Variants in ZNF569 observed in about 807,000 individuals in gnomAD.
ZNF569 encodes DNA-binding protein.
ZNF569 carries 38 observed loss-of-function variants against 56.3 expected under a neutral mutation model. That is an observed-to-expected ratio of 0.68 (90% confidence interval 0.52 to 0.88). The LOEUF is 0.88. Ranked by LOEUF, ZNF569 falls within the 40% of genes least tolerant of loss-of-function variation. The pLI, the probability that ZNF569 is intolerant of heterozygous loss-of-function variation, is 0.00. For missense variants in ZNF569, 666 were observed against 809.2 expected (o/e 0.82, Z 2.15); for synonymous variants, 241 against 262.9 (o/e 0.92, Z 0.81).
At chr19:37,459,475 T>C (rs2146972214) in intron 2 of ZNF569, among the ~76,000 whole-genome samples, 1 of 152,272 alleles carries the variant, frequency 6.6e-6, no homozygotes, top group African/African-American at 2.4e-5. Context: ...CCAGGGAAAT[T>C]ATCCTTCAAA....
intron 2 of ZNF569, among the ~76,000 whole-genome samples, chr19:37,453,857 G>A (rs376893045): frequency 1.1e-4 from 17 of 152,082 alleles, no homozygotes; most frequent in Non-Finnish European, 1.0e-4. Context: ...TTGGGTTGTT[G>A]CAATACCTAT....
chr19:37,457,481 A>G (rs1191944460), intron 2 of ZNF569, among the ~76,000 whole-genome samples: 1 of 152,208 alleles, frequency 6.6e-6, no homozygotes, highest in Non-Finnish European at 1.5e-5. Context: ...AAGAATAAAC[A>G]AAATAACCAT....
intron 2 of ZNF569, among the ~76,000 whole-genome samples, chr19:37,458,601 T>C (rs544520604): frequency 1.3e-5 from 2 of 152,336 alleles, no homozygotes; most frequent in East Asian, 3.9e-4. Flanking sequence ...TCTTGTGGCA[T>C]TTATCACTCT....
At chr19:37,431,318 A>G (rs2041221625) in intron 3 of ZNF569, among the ~76,000 whole-genome samples, 2 of 152,080 alleles carry the variant, frequency 1.3e-5, no homozygotes, top group Admixed American at 6.5e-5. Flanking sequence ...AGGAGAAGGA[A>G]GAGTAAAGAG....
chr19:37,429,326 TGAGATAATAAGG>T (rs1418452543), intron 3 of ZNF569, among the ~76,000 whole-genome samples: 2 of 152,176 alleles, frequency 1.3e-5, no homozygotes, highest in Non-Finnish European at 2.9e-5. Context: ...CAGAGCCATT[TGAGATAATAAGG>T]CAGAAGCCAA....
intron 3 of ZNF569, among the ~76,000 whole-genome samples, chr19:37,443,972 C>T (rs1600329025): frequency 6.6e-6 from 1 of 151,972 alleles, no homozygotes; most frequent in African/African-American, 2.4e-5. Flanking sequence ...GAGCTGAGAT[C>T]GTGCCATTGC....
rs139933067 is a variant in ZNF569, at chr19:37,413,550, T to G, written c.1108A>C (p.Ile370Leu). The change falls in exon 6 of 6, where the codon ATT becomes CTT. Residue 370 changes from isoleucine to leucine, a missense_variant. Coordinates refer to ENST00000316950, the MANE Select transcript of ZNF569 (RefSeq NM_152484.3). Reference sequence around the variant, plus strand: ...CCTGTATGAATTCTAACATGTATAATAAGCATGGAAAACTGAGAGAAGGCT... The same window carrying G: ...CCTGTATGAATTCTAACATGTATAAGAAGCATGGAAAACTGAGAGAAGGCT... Reference protein sequence around the residue: ...GKAFSQFSMLIIHVRIHTGEK... With the variant: ...GKAFSQFSMLLIHVRIHTGEK... 373 of 1,613,278 alleles carry G rather than the reference T, an allele frequency of 2.3e-4. No homozygotes were observed. The highest frequency in any genetic ancestry group is 8.4e-4 in the South Asian group (76 of 90,968).
rs146512266 is a variant in ZNF569 at position 37,452,370 on chromosome 19, C to T, written c.-43-7406G>A. Among the ~76,000 whole-genome samples the T allele has an allele frequency of 2.0e-5, 3 of 152,244 alleles. No homozygotes were observed. In the East Asian group the frequency reaches 5.8e-4, roughly 29 times the overall value. ...ATGGTAATGCAGTATTCTGTATTTA[C>T]ATATATATTTACCTCTATCAATGAG... On this transcript the variant is annotated intron_variant, in intron 2 of 5. Transcript: ENST00000316950.
Position 37,455,163 on chromosome 19 carries a change from A to G in ZNF569, c.-44+10150T>C. On this transcript the variant is annotated intron_variant, in intron 2 of 5. Coordinates refer to ENST00000316950, the MANE Select transcript of ZNF569 (RefSeq NM_152484.3). ...TCATGGGGCTCAAAAATACCTTGCA[A>G]ATAAAGTTAGGATTAGGATAACAGT... 9.1e-6 allele frequency: 3 copies of G among 327,954 alleles called. No individual in the cohort carries two copies. The South Asian group carries it at 2.2e-4, about 24-fold the overall frequency. 20.3% of individuals were successfully genotyped at this position (327,954 alleles called of 1,614,324 possible). A position where few individuals can be genotyped will look rare whatever the true frequency, so the allele number is the denominator to read the frequency against.
intron 2 of ZNF569, among the ~76,000 whole-genome samples, chr19:37,457,757 A>G (rs1356011008): frequency 1.3e-5 from 2 of 152,210 alleles, no homozygotes; most frequent in East Asian, 1.9e-4. Flanking sequence ...TAATGGGTGC[A>G]GCACACGAAC....
intron 5 of ZNF569, among the ~76,000 whole-genome samples, chr19:37,417,477 G>A (rs2040953141): frequency 6.6e-6 from 1 of 152,020 alleles, no homozygotes; most frequent in African/African-American, 2.4e-5. Flanking sequence ...TTAAACTCCT[G>A]AGCTCAGATG....
At chr19:37,432,930 CAG>C (rs1282547478) in intron 3 of ZNF569, among the ~76,000 whole-genome samples, 1 of 122,314 alleles carries the variant, frequency 8.2e-6, no homozygotes, top group Non-Finnish European at 1.6e-5. Context: ...TTTTTTGAGA[CAG>C]AGTCTCTGTA....
intron 1 of ZNF569, chr19:37,466,770 T>G (rs539563010): frequency 6.6e-6 from 1 of 152,396 alleles, no homozygotes; most frequent in South Asian, 2.1e-4. Context: ...TCATTCAAGA[T>G]CCCACTGTCA....
upstream of ZNF569, chr19:37,469,235 G>T (rs527494489): frequency 7.3e-7 from 1 of 1,362,484 alleles, no homozygotes; most frequent in Non-Finnish European, 9.5e-7. Flanking sequence ...GAGCTGCACC[G>T]CTGCTGCCAG....
intron 2 of ZNF569, among the ~76,000 whole-genome samples, chr19:37,449,379 G>A (rs370595109): frequency 2.6e-5 from 4 of 152,156 alleles, no homozygotes; most frequent in African/African-American, 7.2e-5. Flanking sequence ...TGATAATGCC[G>A]TTTTGGAGTC....
intron 2 of ZNF569, among the ~76,000 whole-genome samples, chr19:37,462,471 T>C (rs1025803882): frequency 6.6e-6 from 1 of 152,092 alleles, no homozygotes; most frequent in African/African-American, 2.4e-5. Context: ...TCTCCAACGT[T>C]TTCTTTTCCA....
chr19:37,418,132 AAT>A (rs1568717189), intron 5 of ZNF569, among the ~76,000 whole-genome samples: 7 of 148,002 alleles, frequency 4.7e-5, no homozygotes, highest in Non-Finnish European at 9.0e-5. Flanking sequence ...TAATAATAAT[AAT>A]AAAATAAAGT....
At position 37,414,031 on chromosome 19, in the gene ZNF569, A is replaced by G; in HGVS notation, c.627T>C (p.Thr209=). The G allele has an allele frequency of 6.2e-7, 1 of 1,613,552 alleles. No homozygotes were observed. The highest frequency in any genetic ancestry group is 8.5e-7 in the Non-Finnish European group (1 of 1,179,860). ...TACTACATTCATAGGGCTTCTCTCC[A>G]GTATGAATTCTCAGATGTCTGATGA... The part of the protein sequence containing the change: ...LDLIRHLRIH[T]GEKPYECSNC... The change falls in exon 6 of 6, where the codon ACT becomes ACC. Residue 209 remains threonine, a synonymous_variant. Transcript: ENST00000316950.
chr19:37,468,900 C>G, upstream of ZNF569: 3 of 189,910 alleles, frequency 1.6e-5, no homozygotes, highest in Non-Finnish European at 2.8e-5. Context: ...CAATTTTTTT[C>G]GGGTATCCAG....
Sources: gnomAD v4.1 joint callset for allele counts (sites outside exome capture counted in the v4.1 genomes callset) on GRCh38, gnomAD v4.1.1 for gene constraint, MANE v1.5 for transcripts, NCBI Gene and HGNC (gene_info 2026-07-23, HGNC 2026-07-21) for gene names.